The following PCSK5 variants were observed in gnomAD, a reference collection of about 807,000 sequenced individuals.
PCSK5 encodes proprotein convertase subtilisin/kexin type 5.
Under a neutral mutation model 233.2 loss-of-function variants are expected in PCSK5, and 129 were observed. The observed-to-expected ratio is 0.55, with a 90% CI of 0.48 to 0.64. The LOEUF (loss-of-function observed/expected upper bound fraction) is 0.64. Ranked by LOEUF, PCSK5 falls within the 30% of genes least tolerant of loss-of-function variation. The pLI is 0.00. For synonymous variants in PCSK5, 825 were observed against 879.2 expected, an observed-to-expected ratio of 0.94 and a Z score of 1.09; for missense variants, 2,076 against 2,430.1, an observed-to-expected ratio of 0.85 and a Z score of 3.06.
intron 24 of PCSK5, among the ~76,000 whole-genome samples, chr9:76,271,473 G>A (rs969716878): frequency 1.3e-5 from 2 of 152,184 alleles, no homozygotes; most frequent in African/African-American, 4.8e-5. Context: ...GATCAAGGCA[G>A]GAACACATGG....
intron 20 of PCSK5, chr9:76,193,145 C>A: frequency 2.7e-6 from 3 of 1,110,382 alleles, no homozygotes; most frequent in Admixed American, 2.6e-5. Context: ...CCCAAATCTG[C>A]CTCTCTGGCC....
In PCSK5 at chr9:75,966,279, G is replaced by A. The variant is rs540893075; in HGVS notation, c.298-19853G>A. ...CAATCTTGACAGATTGTGTATTGGT[G>A]GGGACTGGCCCAAATGCCTGTCGGA... is the stretch of plus-strand genomic sequence containing the variant. On this transcript the variant is annotated intron_variant, in intron 2 of 37. Coordinates refer to ENST00000674117, the MANE Select transcript of PCSK5 (RefSeq NM_001372043.1). Among the ~76,000 whole-genome samples, 99 of 152,302 alleles carry A rather than the reference G, an allele frequency of 6.5e-4. 1 individual carries two copies. Among genetic ancestry groups the A allele is most frequent in the African/African-American group, 2.3e-3 (97 of 41,576 alleles).
chr9:76,061,733 T>A (rs1830036649), intron 5 of PCSK5, among the ~76,000 whole-genome samples: 1 of 152,152 alleles, frequency 6.6e-6, no homozygotes, highest in African/African-American at 2.4e-5. Context: ...AGAGAATAAT[T>A]CAAATGTTTC....
intron 2 of PCSK5, among the ~76,000 whole-genome samples, chr9:75,961,890 C>T (rs762059484): frequency 5.3e-5 from 8 of 152,152 alleles, no homozygotes; most frequent in Non-Finnish European, 1.2e-4. Flanking sequence ...TAAACTAGCA[C>T]GCCTTGCATT....
rs181959015 is a variant in PCSK5, at chr9:76,283,286, T to C, written c.3143-8947T>C. On this transcript the variant is annotated intron_variant, in intron 24 of 37. Transcript: ENST00000674117. ...TCACATGCTACAGAGAAATCTTTCA[T>C]GTAAAGGAGGGTCAATCAACGTGGT... Among the ~76,000 whole-genome samples, 20 of 152,312 alleles carry C rather than the reference T, an allele frequency of 1.3e-4. No homozygotes were observed. In the East Asian group the frequency reaches 3.9e-3, roughly 29 times the overall value.
At chr9:76,259,919 G>A (rs770343527) in intron 24 of PCSK5, among the ~76,000 whole-genome samples, 53 of 152,300 alleles carry the variant, frequency 3.5e-4, no homozygotes, top group Non-Finnish European at 5.9e-4. Context: ...GCCCAAATCA[G>A]CAGCTTGCCG....
intron 26 of PCSK5, among the ~76,000 whole-genome samples, 198 bp downstream of exon 26, chr9:76,295,609 T>C (rs1344615822): frequency 6.6e-6 from 1 of 152,194 alleles, no homozygotes; most frequent in African/African-American, 2.4e-5. Context: ...TGAAGCATGG[T>C]TCCTGTTCCA....
intron 2 of PCSK5, among the ~76,000 whole-genome samples, chr9:75,948,857 C>T (rs143656048): frequency 6.6e-6 from 1 of 152,184 alleles, no homozygotes; most frequent in Non-Finnish European, 1.5e-5. Context: ...ACCATTCTAA[C>T]TCACCACAGA....
rs1050482665 is a variant in PCSK5 at position 76,121,815 on chromosome 9, T to G, written c.1209-12294T>G. The stretch of plus-strand genomic sequence containing the variant: ...ATACTATAAACATCTCTTGTATTGG[T>G]TTTTTTTTTTTTTTTTTTTTTTTTT... On this transcript the variant is annotated intron_variant, in intron 9 of 37. Coordinates refer to ENST00000674117, the MANE Select transcript of PCSK5 (RefSeq NM_001372043.1). 5.1e-3 allele frequency among the ~76,000 whole-genome samples: 22 copies of G among 4,314 alleles called. 5 individuals are homozygous for G. Among genetic ancestry groups the G allele is most frequent in the South Asian group, 0.024 (3 of 124 alleles). The allele number at this position is 4,314 out of a possible 152,430, so 2.8% of individuals were successfully genotyped here.
chr9:76,059,538 A>C (rs1829951231), intron 5 of PCSK5, among the ~76,000 whole-genome samples: 1 of 152,124 alleles, frequency 6.6e-6, no homozygotes. Context: ...TTTTTGTATA[A>C]TGTTAAGGAA....
chr9:76,178,168 C>T (rs151080453), intron 14 of PCSK5, among the ~76,000 whole-genome samples: 1 of 152,126 alleles, frequency 6.6e-6, no homozygotes, highest in East Asian at 1.9e-4. Flanking sequence ...GCAGAGACAC[C>T]ACTCCCCTGG....
intron 20 of PCSK5, among the ~76,000 whole-genome samples, chr9:76,221,877 T>C (rs1467341812): frequency 6.6e-6 from 1 of 152,150 alleles, no homozygotes; most frequent in Non-Finnish European, 1.5e-5. Context: ...TCAATGTCAG[T>C]GCCTGCCTGA....
At chr9:75,912,928 C>A (rs1822812258) in intron 1 of PCSK5, among the ~76,000 whole-genome samples, 1 of 152,174 alleles carries the variant, frequency 6.6e-6, no homozygotes. Context: ...TAGAATGAAC[C>A]TGCTCTGTCT....
intron 35 of PCSK5, among the ~76,000 whole-genome samples, chr9:76,339,952 A>T (rs1261874432): frequency 6.6e-6 from 1 of 152,096 alleles, no homozygotes; most frequent in East Asian, 1.9e-4. Flanking sequence ...ACTACCCAGA[A>T]CCACTCAGCA....
chr9:76,002,471 T>C (rs574073909), intron 3 of PCSK5, among the ~76,000 whole-genome samples: 1 of 152,322 alleles, frequency 6.6e-6, no homozygotes, highest in East Asian at 1.9e-4. Flanking sequence ...GGATTCTTAA[T>C]AGGCATCTCC....
At position 75,996,732 on chromosome 9, in the gene PCSK5, C is replaced by T. The variant is rs528680113; in HGVS notation, c.411+10487C>T. Reference sequence around the variant, plus strand: ...TCATACAGGTAATTTATCTTCTTAGCTTTGCTTTCAAAGAGTAAAAAATGT... The same window carrying T: ...TCATACAGGTAATTTATCTTCTTAGTTTTGCTTTCAAAGAGTAAAAAATGT... On this transcript the variant is annotated intron_variant, in intron 3 of 37. Transcript: ENST00000674117. 4.6e-5 allele frequency among the ~76,000 whole-genome samples: 7 copies of T among 151,902 alleles called. No homozygotes were observed. The South Asian group carries it at 1.5e-3, about 32-fold the overall frequency.
chr9:76,338,545 C>A, intron 35 of PCSK5, 98 bp downstream of exon 35: 1 of 785,142 alleles, frequency 1.3e-6, no homozygotes, highest in Non-Finnish European at 2.1e-6. Flanking sequence ...CTGGGAGGTT[C>A]CTCTTGCTTC....
chr9:76,333,922 C>A (rs1191604346), intron 34 of PCSK5, among the ~76,000 whole-genome samples: 2 of 152,094 alleles, frequency 1.3e-5, no homozygotes. Context: ...AAAAGAAAGA[C>A]TGACTGTGTT....
At chr9:76,258,060 C>T (rs913274416) in intron 24 of PCSK5, among the ~76,000 whole-genome samples, 15 of 152,114 alleles carry the variant, frequency 9.9e-5, no homozygotes, top group East Asian at 3.9e-4. Flanking sequence ...CTCCCAGGTA[C>T]AGGGAGGGCC....
Sources: gnomAD v4.1 joint callset for allele counts (sites outside exome capture counted in the v4.1 genomes callset) on GRCh38, gnomAD v4.1.1 for gene constraint, MANE v1.5 for transcripts, NCBI Gene and HGNC (gene_info 2026-07-23, HGNC 2026-07-21) for gene names.